Variants in ARK2C observed in about 807,000 individuals in gnomAD.
ARK2C encodes the protein E3 ubiquitin-protein ligase ARK2C.
At chr18:46,372,631 C>T in the ARK2C span, among the ~76,000 whole-genome samples, 97 of 152,092 alleles carry the variant, frequency 6.4e-4, no homozygotes, top group Non-Finnish European at 1.2e-3. Flanking sequence ...AGAGGCTGGC[C>T]TAAGGGGTTG....
the ARK2C span, among the ~76,000 whole-genome samples, chr18:46,401,882 C>G: frequency 2.0e-5 from 3 of 152,186 alleles, no homozygotes; most frequent in East Asian, 5.8e-4. Flanking sequence ...CTGGGAGGGA[C>G]CATCAGCTTG....
the ARK2C span, among the ~76,000 whole-genome samples, chr18:46,446,197 T>A: frequency 6.6e-6 from 1 of 152,184 alleles, no homozygotes; most frequent in Non-Finnish European, 1.5e-5. Flanking sequence ...TTTGCTTAGA[T>A]CCTTTATTTC....
the ARK2C span, among the ~76,000 whole-genome samples, chr18:46,429,386 CT>C: frequency 1.3e-5 from 2 of 152,224 alleles, no homozygotes; most frequent in African/African-American, 4.8e-5. Flanking sequence ...CCGCAGTGCG[CT>C]TTTAACTCTT....
At chr18:46,442,072 A>G in the ARK2C span, among the ~76,000 whole-genome samples, 1 of 149,936 alleles carries the variant, frequency 6.7e-6, no homozygotes, top group East Asian at 2.0e-4. Flanking sequence ...CTGAGGCAGG[A>G]GAATGGCGTG....
the ARK2C span, among the ~76,000 whole-genome samples, chr18:46,449,500 A>G: frequency 6.6e-6 from 1 of 152,186 alleles, no homozygotes; most frequent in Non-Finnish European, 1.5e-5. Context: ...GGCAGTGCAG[A>G]GTAGGAGTGA....
chr18:46,397,001 A>G, the ARK2C span, among the ~76,000 whole-genome samples: 2 of 152,070 alleles, frequency 1.3e-5, no homozygotes, highest in African/African-American at 4.8e-5. Flanking sequence ...GCTCCCTTCT[A>G]CCTCAGTGCT....
chr18:46,460,127 G>T, the ARK2C span: 4 of 152,822 alleles, frequency 2.6e-5, no homozygotes, highest in East Asian at 7.7e-4. Flanking sequence ...AATGTTCCCA[G>T]CCTCCGTGCA....
At chr18:46,397,264 G>A in the ARK2C span, among the ~76,000 whole-genome samples, 1 of 152,166 alleles carries the variant, frequency 6.6e-6, no homozygotes, top group Non-Finnish European at 1.5e-5. Flanking sequence ...GGGTGGGAGG[G>A]GAAGTGAGAT....
the ARK2C span, chr18:46,435,310 T>G: frequency 1.2e-6 from 2 of 1,613,976 alleles, 1 homozygote; most frequent in South Asian, 2.2e-5. Context: ...AGCGTGTATC[T>G]GTCCACCCCC....
the ARK2C span, among the ~76,000 whole-genome samples, chr18:46,446,670 C>CAAAAAA: frequency 1.4e-3 from 49 of 34,124 alleles, no homozygotes; most frequent in South Asian, 4.8e-3. Flanking sequence ...GACTCCATCT[C>CAAAAAA]AAAAAAAAAA....
chr18:46,392,883 G>C, the ARK2C span, among the ~76,000 whole-genome samples: 36 of 152,220 alleles, frequency 2.4e-4, 1 homozygote, highest in South Asian at 1.2e-3. Flanking sequence ...CTGGTCTTTG[G>C]GGAGTGACTC....
At chr18:46,438,145 A>G in the ARK2C span, among the ~76,000 whole-genome samples, 80 of 152,362 alleles carry the variant, frequency 5.3e-4, 1 homozygote, top group African/African-American at 1.9e-3. Flanking sequence ...TTGGCACAAG[A>G]AATCTCCAAA....
chr18:46,339,020 C>T, the ARK2C span, among the ~76,000 whole-genome samples: 1 of 152,192 alleles, frequency 6.6e-6, no homozygotes, highest in African/African-American at 2.4e-5. Context: ...CTCTTCCCAG[C>T]CTGGATGGGA....
At chr18:46,406,721 G>A in the ARK2C span, among the ~76,000 whole-genome samples, 2 of 152,364 alleles carry the variant, frequency 1.3e-5, no homozygotes, top group East Asian at 3.9e-4. Context: ...TGGGCACAGG[G>A]CCAGCCACCG....
At chr18:46,420,478 A>G in the ARK2C span, among the ~76,000 whole-genome samples, 1 of 152,138 alleles carries the variant, frequency 6.6e-6, no homozygotes, top group African/African-American at 2.4e-5. Flanking sequence ...GGCTTTCTGA[A>G]CTGGGTCCCC....
At chr18:46,380,415 G>A in the ARK2C span, among the ~76,000 whole-genome samples, 5 of 152,252 alleles carry the variant, frequency 3.3e-5, no homozygotes, top group Non-Finnish European at 7.3e-5. Context: ...TGAGAAGGAA[G>A]TGACAGTAAT....
the ARK2C span, among the ~76,000 whole-genome samples, chr18:46,402,539 ATC>A: frequency 6.6e-6 from 1 of 151,948 alleles, no homozygotes; most frequent in Admixed American, 6.6e-5. Flanking sequence ...TTTCGAGAGA[ATC>A]TCTCTCTGTC....
At chr18:46,399,973 G>C in the ARK2C span, among the ~76,000 whole-genome samples, 6 of 152,318 alleles carry the variant, frequency 3.9e-5, no homozygotes, top group African/African-American at 4.8e-5. Context: ...AAGTGGCTCA[G>C]GTTTAGTGAG....
At chr18:46,340,024 C>T in the ARK2C span, among the ~76,000 whole-genome samples, 1 of 152,190 alleles carries the variant, frequency 6.6e-6, no homozygotes, top group African/African-American at 2.4e-5. Flanking sequence ...GGGCAGGAGA[C>T]GACAGGTCCT....
Sources: allele counts gnomAD v4.1 joint callset (sites outside exome capture counted in the v4.1 genomes callset), GRCh38; gene constraint gnomAD v4.1.1; transcripts MANE v1.5; gene names NCBI Gene and HGNC (gene_info 2026-07-23, HGNC 2026-07-21).